Variants in BABAM2 observed in about 807,000 individuals in gnomAD.
BABAM2 encodes BRISC and BRCA1-A complex member 2.
BABAM2 carries 31 observed loss-of-function variants against 54.7 expected under a neutral mutation model. The observed-to-expected ratio is 0.57, with a 90% CI of 0.43 to 0.77. BABAM2 has a LOEUF of 0.77. Ranked by LOEUF, BABAM2 falls within the 30% of genes least tolerant of loss-of-function variation. BABAM2 has a pLI of 0.00. For missense variants in BABAM2, 364 were observed against 455.8 expected (o/e 0.80, Z 1.83); for synonymous variants, 167 against 162.9 (o/e 1.03, Z -0.19).
intron 3 of BABAM2, among the ~76,000 whole-genome samples, chr2:27,970,903 C>T (rs891381410): frequency 1.3e-5 from 2 of 151,794 alleles, no homozygotes; most frequent in African/African-American, 4.8e-5. Flanking sequence ...GTAACATATC[C>T]CACAGTTTGG....
intron 6 of BABAM2, among the ~76,000 whole-genome samples, chr2:28,077,740 G>A (rs1043721482): frequency 4.0e-5 from 6 of 151,878 alleles, no homozygotes; most frequent in East Asian, 1.9e-4. Context: ...AAATTCTCAG[G>A]AATTACATCA....
At chr2:28,102,354 T>C (rs889557759) in intron 6 of BABAM2, among the ~76,000 whole-genome samples, 2 of 152,244 alleles carry the variant, frequency 1.3e-5, no homozygotes, top group Non-Finnish European at 2.9e-5. Flanking sequence ...CCGACTGCAA[T>C]TTTTTTAATG....
At chr2:28,180,745 C>T (rs1210659141) in intron 7 of BABAM2, among the ~76,000 whole-genome samples, 2 of 151,816 alleles carry the variant, frequency 1.3e-5, no homozygotes, top group South Asian at 2.1e-4. Context: ...CCAAAATATG[C>T]GAGGAACTCA....
chr2:28,069,616 A>ATTACTC (rs1663938604), intron 6 of BABAM2, among the ~76,000 whole-genome samples: 1 of 152,208 alleles, frequency 6.6e-6, no homozygotes, highest in Non-Finnish European at 1.5e-5. Context: ...CCCAATGGGA[A>ATTACTC]GATTGACTGC....
At chr2:28,057,054 C>A (rs189526761) in intron 6 of BABAM2, among the ~76,000 whole-genome samples, 40 of 152,106 alleles carry the variant, frequency 2.6e-4, no homozygotes, top group African/African-American at 9.7e-4. Flanking sequence ...ATAGGCTAGG[C>A]ATTCTTAGTC....
chr2:28,235,646 T>G lies in BABAM2; in HGVS notation c.681-1556T>G, dbSNP rs143057113. 5.5e-4 allele frequency among the ~76,000 whole-genome samples: 84 copies of G among 151,718 alleles called. No homozygotes were observed. The East Asian group carries it at 9.5e-3, about 17-fold the overall frequency. ...TGAGTCAAAGTGCCCTAAACTCTTT[T>G]TTTGTTTGTTTGTTTGTTTGTTTGT... On this transcript the variant is annotated intron_variant, in intron 7 of 11. Transcript: ENST00000379624.
intron 7 of BABAM2, among the ~76,000 whole-genome samples, chr2:28,223,639 A>G (rs1023533013): frequency 2.6e-5 from 4 of 152,316 alleles, no homozygotes; most frequent in African/African-American, 9.6e-5. Context: ...AATGACACCA[A>G]TAACTCGGCT....
intron 6 of BABAM2, among the ~76,000 whole-genome samples, chr2:28,063,008 C>G (rs901184920): frequency 6.6e-6 from 1 of 152,118 alleles, no homozygotes; most frequent in Admixed American, 6.5e-5. Context: ...TAGTAGTATC[C>G]CATGCCCATG....
In BABAM2 at chr2:28,073,035, CT is replaced by C. The variant is rs1664312113; in HGVS notation, c.570+27237del. Among the ~76,000 whole-genome samples the C allele has an allele frequency of 1.3e-5, 2 of 152,328 alleles. 1 individual carries two copies. The highest frequency in any genetic ancestry group is 3.9e-4 in the East Asian group (2 of 5,186). On this transcript the variant is annotated intron_variant, in intron 6 of 11. Coordinates refer to ENST00000379624, the MANE Select transcript of BABAM2 (RefSeq NM_199191.3). ...TTTTAATGCCATGCTGCCTTTCCTTCTCTTTCTCTGCTAGATTGAGTTCTCT... is the reference window on the plus strand; with the variant it reads ...TTTTAATGCCATGCTGCCTTTCCTTCCTTTCTCTGCTAGATTGAGTTCTCT...
chr2:27,902,000 G>T (rs184445999), intron 2 of BABAM2, among the ~76,000 whole-genome samples: 2 of 152,050 alleles, frequency 1.3e-5, no homozygotes, highest in Non-Finnish European at 2.9e-5. Flanking sequence ...GATATTTACA[G>T]GTTTGGTTCT....
intron 4 of BABAM2, among the ~76,000 whole-genome samples, chr2:28,017,989 A>T (rs190992392): frequency 5.9e-5 from 9 of 152,302 alleles, no homozygotes; most frequent in African/African-American, 1.7e-4. Context: ...GTTTTTAAAA[A>T]TTTTTTAATT....
chr2:27,935,229 C>T (rs557670380), intron 3 of BABAM2, among the ~76,000 whole-genome samples: 52 of 152,274 alleles, frequency 3.4e-4, no homozygotes, highest in African/African-American at 1.2e-3. Context: ...AATCTAACTC[C>T]GCCTGTGTTC....
intron 3 of BABAM2, among the ~76,000 whole-genome samples, chr2:27,965,150 T>C (rs1346748044): frequency 1.3e-5 from 2 of 152,192 alleles, no homozygotes; most frequent in African/African-American, 4.8e-5. Flanking sequence ...TGCCCTTTTT[T>C]CCCACTCTGG....
intron 4 of BABAM2, among the ~76,000 whole-genome samples, chr2:28,005,781 C>G (rs1325220813): frequency 6.6e-6 from 1 of 152,044 alleles, no homozygotes. Flanking sequence ...CCCCATGGAT[C>G]TCGTTTCAAT....
At chr2:28,242,609 A>AATTAAAAT (rs1299668568) in intron 9 of BABAM2, among the ~76,000 whole-genome samples, 2 of 152,170 alleles carry the variant, frequency 1.3e-5, no homozygotes, top group Admixed American at 6.5e-5. Flanking sequence ...AGTAATACAA[A>AATTAAAAT]ATTAAAATTT....
At chr2:28,074,250 C>A (rs981893781) in intron 6 of BABAM2, among the ~76,000 whole-genome samples, 1 of 152,162 alleles carries the variant, frequency 6.6e-6, no homozygotes, top group African/African-American at 2.4e-5. Flanking sequence ...AGCCTCAGCA[C>A]TATTGACATT....
chr2:28,109,344 A>G (rs976813905), intron 6 of BABAM2, among the ~76,000 whole-genome samples: 1 of 151,948 alleles, frequency 6.6e-6, no homozygotes, highest in African/African-American at 2.4e-5. Flanking sequence ...GCCCGCCACC[A>G]TGCCCGGCTA....
chr2:28,312,902 A>G (rs923172163), intron 11 of BABAM2, among the ~76,000 whole-genome samples: 2 of 152,150 alleles, frequency 1.3e-5, no homozygotes, highest in Non-Finnish European at 2.9e-5. Context: ...TTCCTAGAAG[A>G]ATTTGTGCAA....
chr2:28,316,013 G>T (rs1414607217), intron 11 of BABAM2, among the ~76,000 whole-genome samples: 1 of 152,028 alleles, frequency 6.6e-6, no homozygotes, highest in East Asian at 1.9e-4. Context: ...CCCCACTCTG[G>T]ATCTTCAGAG....
Sources: gnomAD v4.1 joint callset for allele counts (sites outside exome capture counted in the v4.1 genomes callset) on GRCh38, gnomAD v4.1.1 for gene constraint, MANE v1.5 for transcripts, NCBI Gene and HGNC (gene_info 2026-07-23, HGNC 2026-07-21) for gene names.